Variants in KANK4 observed in about 807,000 individuals in gnomAD.
The protein encoded by KANK4 is KN motif and ankyrin repeat domains 4, also known as KN motif and ankyrin repeat domain-containing protein 4.
Under a neutral mutation model 80.8 loss-of-function variants are expected in KANK4, and 50 were observed. That is an observed-to-expected ratio of 0.62 (90% CI 0.49 to 0.78). KANK4 has a LOEUF of 0.78. Among genes scored for constraint, KANK4 ranks in the 30% least tolerant of loss-of-function variants. The pLI is 0.00. For synonymous variants in KANK4, 465 were observed against 506.9 expected, an observed-to-expected ratio of 0.92 and a Z score of 1.11; for missense variants, 1,196 against 1,240.1, an observed-to-expected ratio of 0.96 and a Z score of 0.53.
rs1672222275 is a variant in KANK4, at chr1:62,273,591, C to T, written c.1513G>A (p.Gly505Ser). 1.2e-6 allele frequency: 2 copies of T among 1,614,028 alleles called. No individual in the cohort carries two copies. Among genetic ancestry groups the T allele is most frequent in the South Asian group, 1.1e-5 (1 of 91,086 alleles). ...LSTELRIEEA[G>S]TEQEGGPQGG... ...TGAGGGCCTCCTTCCTGTTCAGTGC[C>T]TGCTTCTTCAATCCTGAGTTCAGTG... Residue 505 changes from glycine to serine, a missense_variant, in exon 3 of 10, where the codon GGC (glycine) becomes AGC (serine). By Grantham distance (56) the Gly-to-Ser change is moderately conservative. Coordinates refer to ENST00000371153, the MANE Select transcript of KANK4 (RefSeq NM_181712.5).
In KANK4 at chr1:62,238,242, G is replaced by A. The variant is rs1373351759; in HGVS notation, c.*35C>T. On this transcript the variant is annotated 3_prime_UTR_variant, in exon 10 of 10. Coordinates refer to ENST00000371153, the MANE Select transcript of KANK4 (RefSeq NM_181712.5). ...GCGAGGGAGGAGTCCAGAGAAGAAG[G>A]CTTTTGTTCCCCACGGCCAGTTCTT... The A allele has an allele frequency of 1.3e-6, 2 of 1,502,414 alleles. No homozygotes were observed. The highest frequency in any genetic ancestry group is 1.1e-5 in the South Asian group (1 of 88,582). 93.1% of individuals were successfully genotyped at this position (1,502,414 alleles called of 1,614,324 possible). A position where few individuals can be genotyped will look rare whatever the true frequency, so the allele number is the denominator to read the frequency against.
intron 9 of KANK4, among the ~76,000 whole-genome samples, chr1:62,245,825 G>A (rs1420921725): frequency 6.6e-6 from 1 of 152,140 alleles, no homozygotes; most frequent in African/African-American, 2.4e-5. Context: ...GTCACTTACT[G>A]TTGACTTACC....
intron 1 of KANK4, among the ~76,000 whole-genome samples, chr1:62,300,363 G>A (rs1644401839): frequency 6.6e-6 from 1 of 152,120 alleles, no homozygotes; most frequent in Non-Finnish European, 1.5e-5. Context: ...GTGGACTCAT[G>A]GATGAAAAAG....
intron 1 of KANK4, among the ~76,000 whole-genome samples, chr1:62,301,719 G>A (rs1644413676): frequency 1.3e-5 from 2 of 151,978 alleles, no homozygotes; most frequent in Non-Finnish European, 1.5e-5. Flanking sequence ...CCTCCTTATA[G>A]GATTACACAG....
At chr1:62,280,955 C>T (rs1257008059) in intron 2 of KANK4, among the ~76,000 whole-genome samples, 1 of 152,158 alleles carries the variant, frequency 6.6e-6, no homozygotes, top group East Asian at 1.9e-4. Flanking sequence ...ACATTATCTG[C>T]ACATTGGAGT....
chr1:62,274,314 T>C lies in KANK4; in HGVS notation c.790A>G (p.Lys264Glu), dbSNP rs1557489801. 6.2e-7 allele frequency: 1 copy of C among 1,614,186 alleles called. No individual in the cohort carries two copies. The highest frequency in any genetic ancestry group is 8.5e-7 in the Non-Finnish European group (1 of 1,180,028). ...FQNVLVVLEDKEDEHNAREAE... is the reference protein window; with the variant it reads ...FQNVLVVLEDEEDEHNAREAE... ...TCTCTGGCATTGTGTTCATCTTCCT[T>C]GTCCTCTAGAACTACAAGCACATTC... The change falls in exon 3 of 10, where the codon AAG becomes GAG. Residue 264 changes from lysine (K) to glutamate (E), a missense_variant. Physicochemically the swap from Lys to Glu is moderately conservative, Grantham distance 56 (BLOSUM62 1). This residue lies in a region of KANK4 where 1,154 missense variants were observed against 1,179.6 expected (regional missense o/e 0.98). Coordinates refer to ENST00000371153, the MANE Select transcript of KANK4 (RefSeq NM_181712.5).
chr1:62,268,230 T>A, intron 5 of KANK4, 57 bp downstream of exon 5: 1 of 1,357,806 alleles, frequency 7.4e-7, no homozygotes. Context: ...CGGGTAGATA[T>A]ATGCCCTTGA....
intron 1 of KANK4, among the ~76,000 whole-genome samples, chr1:62,297,415 A>G (rs1339465078): frequency 6.6e-6 from 1 of 152,182 alleles, no homozygotes; most frequent in Admixed American, 6.5e-5. Context: ...GTTCAGGGGC[A>G]CAAATCTAGT....
intron 9 of KANK4, among the ~76,000 whole-genome samples, chr1:62,246,725 G>C (rs1353299450): frequency 6.6e-6 from 1 of 151,328 alleles, no homozygotes; most frequent in East Asian, 2.0e-4. Context: ...AGCCTGCTGA[G>C]TAGCTGGGAT....
chr1:62,259,434 G>A (rs1055924224), intron 7 of KANK4, among the ~76,000 whole-genome samples: 1 of 152,050 alleles, frequency 6.6e-6, no homozygotes, highest in Non-Finnish European at 1.5e-5. Flanking sequence ...GTGCCATCAC[G>A]CCTGGCTAAT....
intron 8 of KANK4, among the ~76,000 whole-genome samples, chr1:62,249,545 A>ATTT (rs35046139): frequency 5.8e-5 from 8 of 138,716 alleles, no homozygotes; most frequent in East Asian, 2.1e-4. Context: ...CATCTGGCCA[A>ATTT]TTTTTTTTTT....
chr1:62,275,196 T>G, intron 2 of KANK4, 109 bp from the exon 3 acceptor site: 1 of 813,898 alleles, frequency 1.2e-6, no homozygotes, highest in East Asian at 2.5e-5. Flanking sequence ...CACTTGAGAC[T>G]TCTTCTAAAT....
chr1:62,291,135 T>C (rs1266237630), intron 1 of KANK4, among the ~76,000 whole-genome samples: 1 of 152,230 alleles, frequency 6.6e-6, no homozygotes, highest in African/African-American at 2.4e-5. Flanking sequence ...GTAGTAGGTA[T>C]GAATTGGTAT....
chr1:62,238,336 T>A lies in KANK4; in HGVS notation c.2929A>T (p.Met977Leu), dbSNP rs1423231009. The A allele has an allele frequency of 6.2e-7, 1 of 1,613,812 alleles. No homozygotes were observed. The highest frequency in any genetic ancestry group is 1.7e-5 in the Admixed American group (1 of 59,974). The change falls in exon 10 of 10, where the codon ATG becomes TTG. Residue 977 changes from methionine to leucine, a missense_variant. By Grantham distance (15) the Met-to-Leu change is conservative. This residue lies in a region of KANK4 where 1,154 missense variants were observed against 1,179.6 expected (regional missense o/e 0.98). Coordinates refer to ENST00000371153, the MANE Select transcript of KANK4 (RefSeq NM_181712.5). ...GCTCTCAGAAGCCCAGCAATTTCCA[T>A]ATGGGTGGGTGACTTCAGAGCGATG... ...LSIALKSPTH[M>L]EIAGLLRAHA...
chr1:62,318,321 C>T (rs1469968609), intron 1 of KANK4, among the ~76,000 whole-genome samples: 1 of 152,222 alleles, frequency 6.6e-6, no homozygotes, highest in Admixed American at 6.5e-5. Context: ...ATGCCCAGGG[C>T]AAGAGTTAGG....
At chr1:62,286,079 A>G (rs1215517845) in intron 1 of KANK4, among the ~76,000 whole-genome samples, 3 of 152,146 alleles carry the variant, frequency 2.0e-5, no homozygotes, top group Non-Finnish European at 4.4e-5. Context: ...ACACAATCTC[A>G]TTAACTCCAT....
rs544195683 is a variant in KANK4, at chr1:62,286,340, C to T, written c.-70-4706G>A. Among the ~76,000 whole-genome samples the T allele has an allele frequency of 2.6e-4, 39 of 152,372 alleles. No individual in the cohort carries two copies. In the South Asian group the frequency reaches 8.1e-3, roughly 32 times the overall value. On this transcript the variant is annotated intron_variant, in intron 1 of 9. Transcript: ENST00000371153. Reference sequence around the variant, plus strand: ...TGTCTGTTTCGCAGCTGTTAAAGGACTTGGTCAGGTAATCCCTGACCTTGC... The same window carrying T: ...TGTCTGTTTCGCAGCTGTTAAAGGATTTGGTCAGGTAATCCCTGACCTTGC...
chr1:62,297,917 T>A (rs1339986870), intron 1 of KANK4, among the ~76,000 whole-genome samples: 1 of 152,224 alleles, frequency 6.6e-6, no homozygotes, highest in Non-Finnish European at 1.5e-5. Context: ...TCTGTCAAAT[T>A]TTCCATTAGA....
chr1:62,312,914 A>T lies in KANK4; in HGVS notation c.-71+6192T>A, dbSNP rs151190520. Reference sequence around the variant, plus strand: ...AACTCAAACTCCTCTCCACGGTATCAACTGCCTCAAGGATGCTTGGCCTCC... The same window carrying T: ...AACTCAAACTCCTCTCCACGGTATCTACTGCCTCAAGGATGCTTGGCCTCC... On this transcript the variant is annotated intron_variant, in intron 1 of 9. Transcript: ENST00000371153. Among the ~76,000 whole-genome samples, 16 of 152,318 alleles carry T rather than the reference A, an allele frequency of 1.1e-4. No homozygotes were observed. The East Asian group carries it at 2.9e-3, about 28-fold the overall frequency.
Sources: allele counts gnomAD v4.1 joint callset (sites outside exome capture counted in the v4.1 genomes callset), GRCh38; gene constraint gnomAD v4.1.1; regional missense constraint gnomAD v4.1.1; transcripts MANE v1.5; gene names NCBI Gene and HGNC (gene_info 2026-07-23, HGNC 2026-07-21).